The following WDR45 variants were observed in gnomAD, a reference collection of about 807,000 sequenced individuals.
WDR45 encodes the protein WD repeat domain 45.
In WDR45, 2 loss-of-function variants were observed where a neutral mutation model predicts 27.3. That is an observed-to-expected ratio of 0.07 (90% CI 0.03 to 0.23). The LOEUF (loss-of-function observed/expected upper bound fraction) is 0.23, where lower values mean the gene tolerates loss of function less well. Among genes scored for constraint, WDR45 ranks in the 10% least tolerant of loss-of-function variants. WDR45 has a pLI of 1.00. For missense variants in WDR45, 175 were observed against 311.9 expected, an observed-to-expected ratio of 0.56 and a Z score of 3.31; for synonymous variants, 99 against 119.2, an observed-to-expected ratio of 0.83 and a Z score of 1.11.
In WDR45 at chrX:49,092,013, C is replaced by T. The variant is rs782678094; in HGVS notation, c.-18+8192G>A. 4.7e-3 allele frequency among the ~76,000 whole-genome samples: 455 copies of T among 97,618 alleles called. 6 individuals are homozygous for T. Among genetic ancestry groups the T allele is most frequent in the African/African-American group, 0.017 (441 of 26,490 alleles). The allele number at this position is 97,618 out of a possible 115,157, so 84.8% of individuals were successfully genotyped here. On this transcript the variant is annotated intron_variant, in intron 2 of 11. Coordinates refer to the WDR45 transcript ENST00000356463. ...GCACTTGCCTGTAGTCCCAGCTACT[C>T]GGGAGGCTGAGGCAGGAGAATCGCT...
intron 2 of WDR45, among the ~76,000 whole-genome samples, chrX:49,095,712 G>A (rs2065122825): frequency 9.7e-6 from 1 of 103,055 alleles, no homozygotes; most frequent in African/African-American, 3.5e-5. Flanking sequence ...CGCCCACCTT[G>A]GCCTCCAAAA....
At chrX:49,075,496 T>A in intron 8 of WDR45, 31 bp from the exon 9 acceptor site, 1 of 1,210,569 alleles carries the variant, frequency 8.3e-7, no homozygotes, top group Non-Finnish European at 1.1e-6. Flanking sequence ...GATGCCCACA[T>A]GTCATGTGGT....
exon 2 of WDR45, chrX:49,100,358 C>T (rs2147832419): frequency 9.2e-6 from 1 of 109,112 alleles, no homozygotes; most frequent in African/African-American, 3.3e-5. Flanking sequence ...CCTCAGCCTC[C>T]TGAGTAGCTG....
At chrX:49,093,715 T>C (rs1232964609) in intron 2 of WDR45, among the ~76,000 whole-genome samples, 2 of 109,845 alleles carry the variant, frequency 1.8e-5, no homozygotes, top group Non-Finnish European at 3.8e-5. Flanking sequence ...TTTTAAAACA[T>C]ATTTTTTGTG....
chrX:49,075,450 G>T lies in WDR45; in HGVS notation c.741C>A (p.His247Gln). 8.3e-7 allele frequency: 1 copy of T among 1,210,025 alleles called. No individual in the cohort carries two copies. Among genetic ancestry groups the T allele is most frequent in the Non-Finnish European group, 1.1e-6 (1 of 894,515 alleles). The part of the protein sequence containing the change: ...PATLYCINFS[H>Q]DSSFLCASSD... The stretch of plus-strand genomic sequence containing the variant: ...TGGAAGCGCAGAGGAAGGAGGAGTC[G>T]TGGCTGAAGTTAATGCTAGAAGACA... Residue 247 changes from histidine (H) to glutamine (Q), a missense_variant, in exon 9 of 11, where the codon CAC becomes CAA. By Grantham distance (24) the His-to-Gln change is conservative. Around this residue, in one of 3 missense-constraint regions of WDR45, gnomAD observed 71 missense variants for 123.0 expected, o/e 0.58. Coordinates refer to ENST00000376372, the MANE Select transcript of WDR45 (RefSeq NM_001029896.2).
chrX:49,096,786 G>A (rs920690678), intron 2 of WDR45, among the ~76,000 whole-genome samples: 2 of 111,185 alleles, frequency 1.8e-5, no homozygotes, highest in Non-Finnish European at 3.8e-5. Context: ...ACTGAGTTTC[G>A]CTCTGTCGCC....
chrX:49,082,526 C>T, upstream of WDR45, among the ~76,000 whole-genome samples: 1 of 111,210 alleles, frequency 9.0e-6, no homozygotes, highest in East Asian at 2.8e-4. Context: ...TCCACTTCCT[C>T]ATGTCCCAGA....
chrX:49,095,048 A>T (rs7877600), intron 2 of WDR45, among the ~76,000 whole-genome samples: 1 of 109,488 alleles, frequency 9.1e-6, no homozygotes, highest in Non-Finnish European at 1.9e-5. Flanking sequence ...TTGGCCTCCC[A>T]AAGTGCTGGG....
At chrX:49,088,832 A>C (rs2065094978) in intron 2 of WDR45, among the ~76,000 whole-genome samples, 1 of 111,858 alleles carries the variant, frequency 8.9e-6, no homozygotes, top group Non-Finnish European at 1.9e-5. Context: ...AGACAACAAG[A>C]GGGAGACCTT....
At chrX:49,101,014 A>C (rs1178266186) in intron 1 of WDR45, 7 of 112,643 alleles carry the variant, frequency 6.2e-5, no homozygotes, top group African/African-American at 2.3e-4. Context: ...CGCCCAGCGC[A>C]CCAGGCGCCA....
chrX:49,076,560 G>C, intron 5 of WDR45, 36 bp from the exon 6 acceptor site: 1 of 1,206,809 alleles, frequency 8.3e-7, no homozygotes, highest in Non-Finnish European at 1.1e-6. Flanking sequence ...GGCCGTGAGG[G>C]GGTGGCGGGA....
At chrX:49,088,402 C>T (rs1188814664) in intron 2 of WDR45, among the ~76,000 whole-genome samples, 2 of 111,123 alleles carry the variant, frequency 1.8e-5, no homozygotes, top group Non-Finnish European at 3.8e-5. Flanking sequence ...AGCAAAACTC[C>T]GTCTCAACAA....
intron 1 of WDR45, among the ~76,000 whole-genome samples, chrX:49,078,741 C>A (rs1339132749): frequency 8.9e-6 from 1 of 112,534 alleles, no homozygotes; most frequent in Non-Finnish European, 1.9e-5. Flanking sequence ...CTCCCCACCG[C>A]CAGCCAATCT....
At chrX:49,080,123 G>C (rs1437773659), upstream of WDR45, 1 of 112,914 alleles carries the variant, frequency 8.9e-6, no homozygotes, top group African/African-American at 3.2e-5. Context: ...GGTGGGGAGA[G>C]AGAGCGTGCC....
chrX:49,087,950 T>C (rs1225249884), intron 2 of WDR45, among the ~76,000 whole-genome samples: 1 of 111,859 alleles, frequency 8.9e-6, no homozygotes, highest in Non-Finnish European at 1.9e-5. Flanking sequence ...TCATAGCTGG[T>C]TGAGATGGTG....
chrX:49,084,053 C>CTT (rs1173932347), upstream of WDR45, among the ~76,000 whole-genome samples: 5 of 74,893 alleles, frequency 6.7e-5, no homozygotes, highest in Admixed American at 1.5e-4. Context: ...TTTCTTTTTT[C>CTT]TTTTTTTTTT....
intron 2 of WDR45, among the ~76,000 whole-genome samples, chrX:49,095,460 C>T (rs1273105000): frequency 1.8e-5 from 2 of 109,315 alleles, no homozygotes; most frequent in Non-Finnish European, 3.8e-5. Context: ...CCACTACATC[C>T]GGCTAATTTT....
intron 2 of WDR45, among the ~76,000 whole-genome samples, chrX:49,087,563 C>G (rs1241974757): frequency 2.7e-5 from 3 of 111,574 alleles, no homozygotes; most frequent in Admixed American, 1.9e-4. Flanking sequence ...GATCACCTAG[C>G]AAGTGATGTA....
chrX:49,093,769 C>T (rs1164672971), intron 2 of WDR45, among the ~76,000 whole-genome samples: 1 of 104,867 alleles, frequency 9.5e-6, no homozygotes, highest in African/African-American at 3.5e-5. Flanking sequence ...CTCAAACTGC[C>T]GGACTCAAGT....
Sources: gnomAD v4.1 joint callset for allele counts (sites outside exome capture counted in the v4.1 genomes callset) on GRCh38, gnomAD v4.1.1 for gene constraint, gnomAD v4.1.1 regional missense constraint, MANE v1.5 for transcripts, NCBI Gene and HGNC (gene_info 2026-07-23, HGNC 2026-07-21) for gene names.